Variants in GDAP1 observed in about 807,000 individuals in gnomAD.
The protein encoded by GDAP1 is ganglioside induced differentiation associated protein 1.
In GDAP1, 34 loss-of-function variants were observed where a neutral mutation model predicts 40.1. The observed-to-expected ratio is 0.85, with a 90% CI of 0.64 to 1.13. The LOEUF (loss-of-function observed/expected upper bound fraction) is 1.13. GDAP1 is among the 50% of genes most tolerant of loss of function. GDAP1 has a pLI of 0.00. For missense variants in GDAP1, 374 were observed against 433.7 expected, an observed-to-expected ratio of 0.86 and a Z score of 1.22; for synonymous variants, 170 against 157.4, an observed-to-expected ratio of 1.08 and a Z score of -0.60.
At chr8:74,370,127 C>T (rs1044513085), downstream of GDAP1, among the ~76,000 whole-genome samples, 1 of 152,138 alleles carries the variant, frequency 6.6e-6, no homozygotes, top group Non-Finnish European at 1.5e-5. Flanking sequence ...ACCAAATCCA[C>T]AGAGAGGGGA....
intron 2 of GDAP1, among the ~76,000 whole-genome samples, chr8:74,427,680 A>G (rs1306218424): frequency 6.6e-6 from 1 of 152,226 alleles, no homozygotes; most frequent in Admixed American, 6.5e-5. Flanking sequence ...CACATTTGCT[A>G]AGAAATGAGA....
intron 2 of GDAP1, among the ~76,000 whole-genome samples, chr8:74,402,720 T>G (rs1586823539): frequency 6.7e-6 from 1 of 150,268 alleles, no homozygotes; most frequent in East Asian, 1.9e-4. Context: ...GCTTTTAATT[T>G]TTTGCACTAA....
At chr8:74,413,727 T>G (rs1805743554) in intron 2 of GDAP1, among the ~76,000 whole-genome samples, 1 of 148,382 alleles carries the variant, frequency 6.7e-6, no homozygotes, top group Non-Finnish European at 1.5e-5. Context: ...CTTTTTTTTT[T>G]TTTTTTCCTC....
At chr8:74,446,763 G>T (rs1173578789) in intron 2 of GDAP1, among the ~76,000 whole-genome samples, 1 of 152,142 alleles carries the variant, frequency 6.6e-6, no homozygotes, top group Non-Finnish European at 1.5e-5. Flanking sequence ...GTTACAACAA[G>T]ATGAAATTTG....
rs104894075 is a variant in GDAP1, at chr8:74,362,940, C to G, written c.581C>G (p.Ser194Ter). 7 of 1,418,394 alleles carry G rather than the reference C, an allele frequency of 4.9e-6. No homozygotes were observed. The Admixed American group carries it at 8.4e-5, about 17-fold the overall frequency. 87.9% of individuals were successfully genotyped at this position (1,418,394 alleles called of 1,614,324 possible). Reference sequence around the variant, plus strand: ...TTTCTTTTTTTGGTGGTTAATTAGTCAAAGCTGCTTGATCATGACAATGTC... The same window carrying G: ...TTTCTTTTTTTGGTGGTTAATTAGTGAAAGCTGCTTGATCATGACAATGTC... The part of the protein sequence containing the change: ...AYIAKQKRLK[S>*]KLLDHDNVKY... Residue 194 changes from serine (S) to a stop codon, truncating the protein, a stop_gained and splice_region_variant, in exon 5 of 6, where the codon TCA becomes TGA. Coordinates refer to ENST00000220822, the MANE Select transcript of GDAP1 (RefSeq NM_018972.4). LOFTEE classifies it high-confidence loss of function.
intron 2 of GDAP1, among the ~76,000 whole-genome samples, chr8:74,385,303 T>C (rs1810009951): frequency 6.6e-6 from 1 of 152,096 alleles, no homozygotes. Flanking sequence ...CATTAGGTAT[T>C]TCTCCTAATG....
intron 2 of GDAP1, among the ~76,000 whole-genome samples, chr8:74,486,141 G>T (rs1174114129): frequency 6.6e-6 from 1 of 152,140 alleles, no homozygotes; most frequent in African/African-American, 2.4e-5. Flanking sequence ...GTCATAGGAC[G>T]GAATGAACAG....
intron 2 of GDAP1, among the ~76,000 whole-genome samples, chr8:74,409,030 G>C (rs944524713): frequency 1.3e-5 from 2 of 149,844 alleles, no homozygotes; most frequent in African/African-American, 5.1e-5. Context: ...GAGTCATTTG[G>C]GGTACGTGTA....
chr8:74,434,950 G>C (rs1006616280), intron 2 of GDAP1, among the ~76,000 whole-genome samples: 2 of 152,106 alleles, frequency 1.3e-5, no homozygotes, highest in South Asian at 2.1e-4. Context: ...GGCAGAGAAT[G>C]ACTTTTTTGT....
chr8:74,421,769 G>A (rs913428060), intron 2 of GDAP1, among the ~76,000 whole-genome samples: 1 of 152,172 alleles, frequency 6.6e-6, no homozygotes, highest in African/African-American at 2.4e-5. Flanking sequence ...CAGTAGGTCT[G>A]GCTGTGAGAT....
At chr8:74,455,838 G>T (rs35951585) in intron 2 of GDAP1, among the ~76,000 whole-genome samples, 22,408 of 151,816 alleles carry the variant, frequency 0.15, 1,885 homozygotes, top group Non-Finnish European at 0.2. Context: ...ATAATATATA[G>T]GATGTGCTTC....
chr8:74,417,881 T>C (rs1447636728), intron 2 of GDAP1, among the ~76,000 whole-genome samples: 1 of 151,990 alleles, frequency 6.6e-6, no homozygotes, highest in Admixed American at 6.6e-5. Context: ...CATGAATATC[T>C]ATCCTACTTT....
chr8:74,367,140 A>G (rs1399030339), downstream of GDAP1: 1 of 173,950 alleles, frequency 5.7e-6, no homozygotes, highest in Non-Finnish European at 1.2e-5. Flanking sequence ...GCTCATTAAT[A>G]TAGCTCTGTT....
intron 2 of GDAP1, among the ~76,000 whole-genome samples, chr8:74,407,394 T>C (rs185813689): frequency 6.7e-6 from 1 of 150,040 alleles, no homozygotes; most frequent in Non-Finnish European, 1.5e-5. Flanking sequence ...ACCCTCAATC[T>C]GCGTGGGTAC....
At chr8:74,486,191 C>A (rs1178695298) in intron 2 of GDAP1, among the ~76,000 whole-genome samples, 1 of 152,174 alleles carries the variant, frequency 6.6e-6, no homozygotes, top group African/African-American at 2.4e-5. Context: ...TATCAGATGA[C>A]ATGTCTCTTC....
At position 74,364,582 on chromosome 8, in the gene GDAP1, C is replaced by T. The variant is rs1159604614; in HGVS notation, c.*215C>T. ...CCAGCTCCAGGCAGAAATAGGAAGG[C>T]AAAGAGATAAGAGAAGGAAAAATGA... On this transcript the variant is annotated 3_prime_UTR_variant, in exon 6 of 6. Coordinates refer to ENST00000220822, the MANE Select transcript of GDAP1 (RefSeq NM_018972.4). 1.5e-6 allele frequency: 1 copy of T among 676,274 alleles called. No homozygotes were observed. The highest frequency in any genetic ancestry group is 1.8e-5 in the African/African-American group (1 of 56,736). The allele number at this position is 676,274 out of a possible 1,614,324, so 41.9% of individuals were successfully genotyped here.
chr8:74,479,042 C>T (rs77584552), intron 2 of GDAP1, among the ~76,000 whole-genome samples: 49,411 of 152,024 alleles, frequency 0.33, 9,345 homozygotes, highest in Non-Finnish European at 0.41. Context: ...TTTCTGATGT[C>T]GTGGTCCCTT....
chr8:74,420,306 A>T (rs527605751), intron 2 of GDAP1, among the ~76,000 whole-genome samples: 1 of 152,290 alleles, frequency 6.6e-6, no homozygotes, highest in Admixed American at 6.5e-5. Context: ...AACATAATAA[A>T]GTAGGAAAAG....
Position 74,360,291 on chromosome 8 carries a change from T to G in GDAP1, c.465T>G (p.Tyr155Ter), listed in dbSNP as rs1334794178. Residue 155 changes from tyrosine to a stop codon, truncating the protein, a stop_gained, in exon 3 of 6, where the codon TAT becomes TAG. Transcript: ENST00000220822. LOFTEE classifies it high-confidence loss of function. ...ELTVDSMIPA[Y>*]ATTRIRSQIG... ...CTGTGGACTCCATGATCCCGGCTTA[T>G]GCAACTACAAGGATTCGTAGTATGT... 1 of 1,613,974 alleles carries G rather than the reference T, an allele frequency of 6.2e-7. No homozygotes were observed. The highest frequency in any genetic ancestry group is 1.1e-5 in the South Asian group (1 of 91,082).
Sources: allele counts gnomAD v4.1 joint callset (sites outside exome capture counted in the v4.1 genomes callset), GRCh38; gene constraint gnomAD v4.1.1; transcripts MANE v1.5; gene names NCBI Gene and HGNC (gene_info 2026-07-23, HGNC 2026-07-21).